Variants in IL1RL1 observed in about 807,000 individuals in gnomAD.
The protein encoded by IL1RL1 is interleukin 1 receptor like 1.
In IL1RL1, 32 loss-of-function variants were observed where a neutral mutation model predicts 50.9. The observed-to-expected ratio is 0.63, with a 90% CI of 0.47 to 0.84. The LOEUF is 0.84. IL1RL1 is among the 40% of genes least tolerant of loss of function. IL1RL1 has a pLI of 0.00. For synonymous variants in IL1RL1, 275 were observed against 236.0 expected (o/e 1.17, Z -1.51); for missense variants, 773 against 662.9 (o/e 1.17, Z -1.82).
intron 1 of IL1RL1, among the ~76,000 whole-genome samples, chr2:102,324,230 A>C (rs970694795): frequency 6.6e-6 from 1 of 152,210 alleles, no homozygotes; most frequent in African/African-American, 2.4e-5. Flanking sequence ...CAAGCACATA[A>C]TCAGAAACTG....
intron 5 of IL1RL1, among the ~76,000 whole-genome samples, chr2:102,341,727 GCACTGCCCGT>G (rs1677572412): frequency 6.6e-6 from 1 of 152,130 alleles, no homozygotes; most frequent in Non-Finnish European, 1.5e-5. Flanking sequence ...TGCTCCATAA[GCACTGCCCGT>G]CTTTCAGCCT....
chr2:102,323,275 T>TATATATA (rs1559596435), intron 1 of IL1RL1, among the ~76,000 whole-genome samples: 2 of 28,686 alleles, frequency 7.0e-5, no homozygotes, highest in African/African-American at 1.2e-4. Context: ...ATATATATAG[T>TATATATA]GTGTGTGTGT....
intron 9 of IL1RL1, 86 bp from the exon 10 acceptor site, chr2:102,348,993 A>G: frequency 9.7e-7 from 1 of 1,028,512 alleles, no homozygotes; most frequent in Non-Finnish European, 1.5e-6. Flanking sequence ...CAACAGCCAT[A>G]AAACTTGGAG....
At chr2:102,319,889 A>G (rs1676788147) in intron 1 of IL1RL1, among the ~76,000 whole-genome samples, 1 of 152,020 alleles carries the variant, frequency 6.6e-6, no homozygotes. Context: ...GGGACTTACT[A>G]TGTTGCCCAG....
chr2:102,351,398 T>C (rs6752482), intron 10 of IL1RL1, 138 bp from the exon 11 acceptor site: 276,957 of 748,178 alleles, frequency 0.37, 57,218 homozygotes, highest in African/African-American at 0.7. Flanking sequence ...CCACACATAC[T>C]TCCACTTCTC....
chr2:102,339,349 T>A, intron 3 of IL1RL1: 1 of 278,170 alleles, frequency 3.6e-6, no homozygotes, highest in Non-Finnish European at 6.8e-6. Flanking sequence ...TTGGCTGGAA[T>A]TAAGAACAAA....
chr2:102,324,420 G>A (rs569195241), intron 1 of IL1RL1, among the ~76,000 whole-genome samples: 48 of 152,300 alleles, frequency 3.2e-4, no homozygotes, highest in African/African-American at 9.9e-4. Flanking sequence ...AGCTCCCAGC[G>A]TGAGCGACAC....
intron 8 of IL1RL1, 148 bp downstream of exon 8, chr2:102,343,563 T>C: frequency 5.8e-6 from 9 of 1,544,634 alleles, no homozygotes; most frequent in Non-Finnish European, 7.8e-6. Flanking sequence ...TTGTTTGCTG[T>C]CTGATCTTTG....
intron 1 of IL1RL1, among the ~76,000 whole-genome samples, chr2:102,321,279 T>A (rs551515885): frequency 2.8e-4 from 42 of 152,364 alleles, no homozygotes; most frequent in African/African-American, 9.6e-4. Flanking sequence ...ATTGTCCTCC[T>A]GTAGGACATG....
At chr2:102,325,184 T>A (rs1478333811) in intron 1 of IL1RL1, among the ~76,000 whole-genome samples, 1 of 152,068 alleles carries the variant, frequency 6.6e-6, no homozygotes, top group East Asian at 1.9e-4. Flanking sequence ...CAGCAACATT[T>A]GCTGTTCACC....
At position 102,351,645 on chromosome 2, in the gene IL1RL1, C is replaced by T. The variant is rs1323812963; in HGVS notation, c.1395C>T (p.Ala465=). The stretch of plus-strand genomic sequence containing the variant: ...AGTTTGCCTACGAGCAGGAGGTTGC[C>T]CTGCACTGTGCCCTCATCCAGAACG... ...NKEFAYEQEV[A]LHCALIQNDA... Residue 465 remains alanine, a synonymous_variant, in exon 11 of 11, where the codon GCC becomes GCT. Transcript: ENST00000233954. 1.2e-6 allele frequency: 2 copies of T among 1,614,090 alleles called. No homozygotes were observed. The highest frequency in any genetic ancestry group is 4.5e-5 in the East Asian group (2 of 44,874).
chr2:102,322,277 C>T (rs1035577834), intron 1 of IL1RL1, among the ~76,000 whole-genome samples: 1 of 152,184 alleles, frequency 6.6e-6, no homozygotes, highest in African/African-American at 2.4e-5. Context: ...TGCTCACATT[C>T]CACAGTGCTG....
chr2:102,331,830 G>A (rs1294658997), intron 1 of IL1RL1, among the ~76,000 whole-genome samples: 1 of 152,188 alleles, frequency 6.6e-6, no homozygotes, highest in East Asian at 1.9e-4. Context: ...CACTTTGGGA[G>A]GTCAAGGTTG....
intron 1 of IL1RL1, among the ~76,000 whole-genome samples, chr2:102,334,701 G>A (rs1677265063): frequency 6.6e-6 from 1 of 152,148 alleles, no homozygotes; most frequent in Non-Finnish European, 1.5e-5. Context: ...TTTTGACACT[G>A]GTTTACAGTA....
intron 1 of IL1RL1, among the ~76,000 whole-genome samples, chr2:102,316,200 A>G (rs574502528): frequency 6.6e-6 from 1 of 152,358 alleles, no homozygotes; most frequent in Admixed American, 6.5e-5. Flanking sequence ...TCTTGAGCAC[A>G]GAAAAATGGG....
chr2:102,344,554 G>A (rs1677710652), intron 8 of IL1RL1: 2 of 203,764 alleles, frequency 9.8e-6, no homozygotes, highest in African/African-American at 2.4e-5. Flanking sequence ...TCATAGCACT[G>A]GTCACATTGC....
intron 8 of IL1RL1, 89 bp from the exon 9 acceptor site, chr2:102,347,856 T>G (rs897918474): frequency 2.7e-6 from 2 of 730,330 alleles, no homozygotes; most frequent in African/African-American, 3.5e-5. Flanking sequence ...GTGAAATTCT[T>G]GTACTCCCAA....
In IL1RL1 at chr2:102,343,291, T is replaced by G; in HGVS notation, c.846T>G (p.Cys282Trp). 6.2e-7 allele frequency: 1 copy of G among 1,614,200 alleles called. No homozygotes were observed. The highest frequency in any genetic ancestry group is 8.5e-7 in the Non-Finnish European group (1 of 1,180,034). ...TTAGTTTCAGCAATGGGCTGGCTTG[T>G]CTAGACATGGTTTTAAGAATAGCTG... ...QNQSFSNGLA[C>W]LDMVLRIADV... The change falls in exon 8 of 11, where the codon TGT becomes TGG. Residue 282 changes from cysteine to tryptophan, a missense_variant. Cys to Trp is a radical substitution (Grantham distance 215). Transcript: ENST00000233954.
chr2:102,332,012 G>A (rs1305405218), intron 1 of IL1RL1, among the ~76,000 whole-genome samples: 1 of 152,254 alleles, frequency 6.6e-6, no homozygotes, highest in East Asian at 1.9e-4. Flanking sequence ...AGACTGCAGT[G>A]AGCCATGATC....
Sources: gnomAD v4.1 joint callset for allele counts (sites outside exome capture counted in the v4.1 genomes callset) on GRCh38, gnomAD v4.1.1 for gene constraint, MANE v1.5 for transcripts, NCBI Gene and HGNC (gene_info 2026-07-23, HGNC 2026-07-21) for gene names.